Variants in TENM4 observed in about 807,000 individuals in gnomAD.
TENM4 encodes teneurin transmembrane protein 4.
A neutral mutation model predicts 243.3 loss-of-function variants in TENM4; 82 were observed. The ratio of observed to expected loss-of-function variants is 0.34; its 90% CI spans 0.28 to 0.40. The LOEUF is 0.40. TENM4 is among the 10% of genes least tolerant of loss of function. TENM4 has a pLI of 1.00. For missense variants in TENM4, 3,138 were observed against 3,673.3 expected, an observed-to-expected ratio of 0.85 and a Z score of 3.77; for synonymous variants, 1,412 against 1,456.3, an observed-to-expected ratio of 0.97 and a Z score of 0.69.
chr11:79,138,576 T>TA (rs1478402272), intron 4 of TENM4, among the ~76,000 whole-genome samples: 10 of 86,012 alleles, frequency 1.2e-4, no homozygotes, highest in Non-Finnish European at 1.8e-4. Context: ...AAACATATAT[T>TA]TATATAAATA....
intron 20 of TENM4, among the ~76,000 whole-genome samples, chr11:78,736,855 G>C (rs1023129998): frequency 6.6e-6 from 1 of 152,108 alleles, no homozygotes; most frequent in Non-Finnish European, 1.5e-5. Flanking sequence ...TTCTGGCTAC[G>C]TGATGTAATT....
chr11:79,052,332 A>T (rs544425434), intron 6 of TENM4, among the ~76,000 whole-genome samples: 1 of 152,130 alleles, frequency 6.6e-6, no homozygotes, highest in African/African-American at 2.4e-5. Context: ...GTGAGAGATG[A>T]TATCTCATTG....
intron 4 of TENM4, among the ~76,000 whole-genome samples, chr11:79,085,247 G>A (rs1438518554): frequency 6.6e-6 from 1 of 151,792 alleles, no homozygotes; most frequent in Non-Finnish European, 1.5e-5. Context: ...TGTGGTGGCG[G>A]GCACCTGTAG....
chr11:79,432,718 C>T (rs866991261), intron 1 of TENM4, among the ~76,000 whole-genome samples: 2 of 152,146 alleles, frequency 1.3e-5, no homozygotes, highest in Admixed American at 6.5e-5. Context: ...TTACATGTCT[C>T]GATCCACTTT....
At position 78,712,648 on chromosome 11, in the gene TENM4, G is replaced by C; in HGVS notation, c.3888C>G (p.Asp1296Glu). The change falls in exon 26 of 34, where the codon GAC (aspartate) becomes GAG (glutamate). Residue 1296 changes from aspartate (D) to glutamate (E), a missense_variant. Around this residue, in one of 2 missense-constraint regions of TENM4, gnomAD observed 2,467 missense variants for 3,059.1 expected, o/e 0.81. Coordinates refer to ENST00000278550, the MANE Select transcript of TENM4 (RefSeq NM_001098816.3). ...DPMSGAVFLS[D>E]SNSRRVFKIK... ...TTTTAAAGACCCGCCGGCTGTTGCTGTCAGAAAGGAAGACGGCCCCACTCA... is the reference window on the plus strand; with the variant it reads ...TTTTAAAGACCCGCCGGCTGTTGCTCTCAGAAAGGAAGACGGCCCCACTCA... The C allele has an allele frequency of 6.2e-7, 1 of 1,614,010 alleles. No individual in the cohort carries two copies.
intron 12 of TENM4, among the ~76,000 whole-genome samples, chr11:78,825,797 C>T (rs934065620): frequency 1.3e-5 from 2 of 152,178 alleles, no homozygotes; most frequent in African/African-American, 2.4e-5. Context: ...ACACAGTGAC[C>T]GGCTGATCAT....
intron 3 of TENM4, among the ~76,000 whole-genome samples, chr11:79,150,210 G>A (rs1243736301): frequency 1.3e-5 from 2 of 152,022 alleles, no homozygotes; most frequent in African/African-American, 4.8e-5. Flanking sequence ...TACCTGCTTG[G>A]TTCTCACAGA....
At chr11:79,062,790 C>A (rs896812338) in intron 6 of TENM4, among the ~76,000 whole-genome samples, 8 of 152,186 alleles carry the variant, frequency 5.3e-5, no homozygotes, top group Non-Finnish European at 1.0e-4. Context: ...GGTGTGATGG[C>A]ACAGACCCTA....
At chr11:79,035,421 T>C (rs909134441) in intron 6 of TENM4, among the ~76,000 whole-genome samples, 1 of 152,192 alleles carries the variant, frequency 6.6e-6, no homozygotes, top group Non-Finnish European at 1.5e-5. Context: ...GCTGTGCCTG[T>C]GGTAACTTAT....
At chr11:79,233,311 G>T (rs1434828056) in intron 2 of TENM4, among the ~76,000 whole-genome samples, 3 of 152,188 alleles carry the variant, frequency 2.0e-5, no homozygotes, top group South Asian at 2.1e-4. Flanking sequence ...CAGATGGAAG[G>T]TTGGGTGGCT....
At chr11:79,290,663 T>C (rs1284194551) in intron 2 of TENM4, among the ~76,000 whole-genome samples, 2 of 152,122 alleles carry the variant, frequency 1.3e-5, no homozygotes, top group East Asian at 3.9e-4. Flanking sequence ...CAGAAGATGA[T>C]CTAACCATCC....
chr11:78,986,253 A>C (rs79259924), intron 6 of TENM4, among the ~76,000 whole-genome samples: 1,677 of 152,338 alleles, frequency 0.011, 35 homozygotes, highest in African/African-American at 0.038. Context: ...TGAAATTAAG[A>C]ATTTTTAATT....
At chr11:79,206,093 G>A (rs1242653016) in intron 3 of TENM4, among the ~76,000 whole-genome samples, 3 of 152,210 alleles carry the variant, frequency 2.0e-5, no homozygotes, top group Non-Finnish European at 4.4e-5. Flanking sequence ...AAGTGCTTAG[G>A]GAACCTCCCC....
At chr11:78,879,784 T>G (rs1321536299) in intron 9 of TENM4, among the ~76,000 whole-genome samples, 1 of 133,828 alleles carries the variant, frequency 7.5e-6, no homozygotes, top group African/African-American at 2.9e-5. Context: ...CTGTCTGGGA[T>G]GTGAGGAGCG....
chr11:79,426,608 G>A (rs1295602227), intron 1 of TENM4, among the ~76,000 whole-genome samples: 1 of 152,234 alleles, frequency 6.6e-6, no homozygotes, highest in East Asian at 1.9e-4. Flanking sequence ...GTGAGGTTAT[G>A]GCTGGAAAGC....
chr11:79,334,314 G>A (rs2135449915), intron 1 of TENM4, among the ~76,000 whole-genome samples: 1 of 152,312 alleles, frequency 6.6e-6, no homozygotes. Flanking sequence ...TGATCACCCT[G>A]GATTGAGGCT....
At chr11:79,279,966 C>T (rs1371956639) in intron 2 of TENM4, among the ~76,000 whole-genome samples, 1 of 152,084 alleles carries the variant, frequency 6.6e-6, no homozygotes, top group East Asian at 1.9e-4. Context: ...GCTCGGCCCC[C>T]TTTTGTTGCC....
rs1472582684 is a variant in TENM4, at chr11:79,011,132, T to C, written c.493+53606A>G. Among the ~76,000 whole-genome samples, 4 of 152,346 alleles carry C rather than the reference T, an allele frequency of 2.6e-5. No homozygotes were observed. The East Asian group carries it at 7.7e-4, about 29-fold the overall frequency. ...TTTGAAACCTACCCTGAATGTATGC[T>C]TTAGAAAAGGAAAAACAAAAAACCT... On this transcript the variant is annotated intron_variant, in intron 6 of 33. Coordinates refer to ENST00000278550, the MANE Select transcript of TENM4 (RefSeq NM_001098816.3).
chr11:79,303,219 T>A (rs753993499), intron 1 of TENM4, among the ~76,000 whole-genome samples: 115 of 152,330 alleles, frequency 7.5e-4, no homozygotes, highest in Non-Finnish European at 1.3e-3. Flanking sequence ...CTGGAATAAC[T>A]GGTGAGGTCC....
Sources: gnomAD v4.1 joint callset for allele counts (sites outside exome capture counted in the v4.1 genomes callset) on GRCh38, gnomAD v4.1.1 for gene constraint, gnomAD v4.1.1 regional missense constraint, MANE v1.5 for transcripts, NCBI Gene and HGNC (gene_info 2026-07-23, HGNC 2026-07-21) for gene names.